CADM2: variants seen among roughly 807,000 people sequenced by gnomAD.
The protein encoded by CADM2 is cell adhesion molecule 2, also known as immunoglobulin superfamily member 4D.
CADM2 carries 12 observed loss-of-function variants against 49.8 expected under a neutral mutation model. That is an observed-to-expected ratio of 0.24 (90% CI 0.15 to 0.39). The LOEUF (loss-of-function observed/expected upper bound fraction) is 0.39, where lower values mean the gene tolerates loss of function less well. Ranked by LOEUF, CADM2 falls within the 10% of genes least tolerant of loss-of-function variation. CADM2 has a pLI of 1.00. For synonymous variants in CADM2, 214 were observed against 175.4 expected (o/e 1.22, Z -1.74); for missense variants, 378 against 492.3 (o/e 0.77, Z 2.20).
intron 1 of CADM2, among the ~76,000 whole-genome samples, chr3:84,986,924 T>TGC (rs2032601530): frequency 6.6e-6 from 1 of 151,244 alleles, no homozygotes; most frequent in African/African-American, 2.4e-5. Flanking sequence ...TGGTGGCGCA[T>TGC]ACCTGTAATC....
chr3:85,266,748 A>G (rs1343772217), intron 1 of CADM2, among the ~76,000 whole-genome samples: 3 of 151,820 alleles, frequency 2.0e-5, no homozygotes, highest in Non-Finnish European at 4.4e-5. Flanking sequence ...CCTTTGGGTA[A>G]TCAGCAATTT....
chr3:85,493,159 C>G (rs1273281792), intron 1 of CADM2, among the ~76,000 whole-genome samples: 1 of 151,928 alleles, frequency 6.6e-6, no homozygotes, highest in East Asian at 1.9e-4. Context: ...TAATTTTAAT[C>G]TATATTGGCA....
At chr3:85,668,340 A>G (rs1486162737) in intron 1 of CADM2, among the ~76,000 whole-genome samples, 1 of 151,650 alleles carries the variant, frequency 6.6e-6, no homozygotes, top group East Asian at 1.9e-4. Context: ...ACAAACAAAC[A>G]AAAAAACACC....
chr3:86,030,990 T>G (rs779463566), intron 8 of CADM2, among the ~76,000 whole-genome samples: 5 of 151,838 alleles, frequency 3.3e-5, no homozygotes, highest in Non-Finnish European at 7.4e-5. Context: ...GCAAGTATAG[T>G]TTAGGTAGAT....
At chr3:85,339,249 T>C (rs1020859193) in intron 1 of CADM2, among the ~76,000 whole-genome samples, 4 of 151,500 alleles carry the variant, frequency 2.6e-5, no homozygotes, top group African/African-American at 4.8e-5. Context: ...TAAAAAGTAC[T>C]GCAGGTAAAT....
rs939137323 is a variant in CADM2 at position 85,743,105 on chromosome 3, C to T, written c.88+16557C>T. On this transcript the variant is annotated intron_variant, in intron 2 of 9. Transcript: ENST00000383699. ...GCTGCATCCCTGTTCCCAGTGGTTT[C>T]CCACTGACCTCTTTCAGCTTGAAAA... 2.0e-5 allele frequency among the ~76,000 whole-genome samples: 3 copies of T among 152,106 alleles called. No individual in the cohort carries two copies. The South Asian group carries it at 6.2e-4, about 32-fold the overall frequency.
chr3:85,929,042 C>T (rs1253304551), intron 6 of CADM2, among the ~76,000 whole-genome samples: 1 of 152,114 alleles, frequency 6.6e-6, no homozygotes, highest in Non-Finnish European at 1.5e-5. Flanking sequence ...CAGGACAAAA[C>T]TAGAATAAAT....
Position 85,308,265 on chromosome 3 carries a change from G to GT in CADM2, c.61+348606dup, listed in dbSNP as rs771753847. Among the ~76,000 whole-genome samples, 171 of 147,776 alleles carry GT rather than the reference G, an allele frequency of 1.2e-3. 1 individual carries two copies. The highest frequency in any genetic ancestry group is 3.5e-3 in the Middle Eastern group (1 of 288). ...TTCCAAGTATATTTTTAAGATTCAA[G>GT]TTTTTTTTTATTTATTTAAATATCT... On this transcript the variant is annotated intron_variant, in intron 1 of 9. Coordinates refer to ENST00000383699, the MANE Select transcript of CADM2 (RefSeq NM_001167675.2).
At chr3:85,656,613 C>A (rs2065207403) in intron 1 of CADM2, among the ~76,000 whole-genome samples, 1 of 151,890 alleles carries the variant, frequency 6.6e-6, no homozygotes, top group South Asian at 2.1e-4. Context: ...GAGATTCCAT[C>A]TCCAAAATAA....
intron 1 of CADM2, among the ~76,000 whole-genome samples, chr3:85,541,765 AT>A (rs755727450): frequency 2.6e-5 from 2 of 78,346 alleles, no homozygotes; most frequent in Admixed American, 1.3e-4. Context: ...TTATATATAT[AT>A]TTTATATTTT....
intron 1 of CADM2, among the ~76,000 whole-genome samples, chr3:85,406,536 G>A (rs150678233): frequency 1.9e-3 from 283 of 152,080 alleles, no homozygotes; most frequent in Non-Finnish European, 3.5e-3. Context: ...ATTACTCTTC[G>A]CTAAACCTCA....
At chr3:85,949,399 A>C (rs1287420520) in intron 7 of CADM2, among the ~76,000 whole-genome samples, 1 of 151,314 alleles carries the variant, frequency 6.6e-6, no homozygotes, top group Non-Finnish European at 1.5e-5. Context: ...CATATCAGCT[A>C]TGAGAAAGCT....
intron 8 of CADM2, among the ~76,000 whole-genome samples, chr3:85,980,009 T>TATTC (rs2108665392): frequency 6.6e-6 from 1 of 151,512 alleles, no homozygotes; most frequent in South Asian, 2.1e-4. Context: ...ATATAAAAAG[T>TATTC]ATTCCTGAGC....
chr3:85,655,934 T>C (rs763902310), intron 1 of CADM2, among the ~76,000 whole-genome samples: 3 of 151,970 alleles, frequency 2.0e-5, no homozygotes, highest in Admixed American at 2.0e-4. Flanking sequence ...GTCTTCCTCA[T>C]AGAGCAGAAG....
At chr3:85,846,284 A>G (rs1036671771) in intron 3 of CADM2, among the ~76,000 whole-genome samples, 9 of 152,222 alleles carry the variant, frequency 5.9e-5, no homozygotes, top group African/African-American at 1.9e-4. Context: ...TTAATTTAGA[A>G]AAGCTAACTT....
At chr3:85,440,644 G>A (rs761237835) in intron 1 of CADM2, among the ~76,000 whole-genome samples, 5 of 152,060 alleles carry the variant, frequency 3.3e-5, no homozygotes, top group African/African-American at 4.8e-5. Context: ...TTTGCTTATG[G>A]GGGAAAAGGA....
intron 8 of CADM2, among the ~76,000 whole-genome samples, chr3:86,020,440 C>G (rs2107028530): frequency 2.6e-5 from 4 of 152,164 alleles, no homozygotes; most frequent in African/African-American, 9.6e-5. Context: ...CCTTCTGAAA[C>G]TACTCCAATC....
At chr3:85,438,505 T>G (rs989153522) in intron 1 of CADM2, among the ~76,000 whole-genome samples, 1 of 152,170 alleles carries the variant, frequency 6.6e-6, no homozygotes, top group African/African-American at 2.4e-5. Context: ...TCCTGTACAA[T>G]TTCTAAGAAA....
chr3:85,297,730 A>G (rs2044000398), intron 1 of CADM2, among the ~76,000 whole-genome samples: 1 of 151,958 alleles, frequency 6.6e-6, no homozygotes, highest in Admixed American at 6.6e-5. Context: ...CTGCATAGAA[A>G]CCTACATATT....
Sources: gnomAD v4.1 joint callset for allele counts (sites outside exome capture counted in the v4.1 genomes callset) on GRCh38, gnomAD v4.1.1 for gene constraint, MANE v1.5 for transcripts, NCBI Gene and HGNC (gene_info 2026-07-23, HGNC 2026-07-21) for gene names.